Variants in PAM observed in about 807,000 individuals in gnomAD.
PAM encodes the protein peptidyl-glycine alpha-amidating monooxygenase.
A neutral mutation model predicts 122.1 loss-of-function variants in PAM; 72 were observed. The observed-to-expected ratio is 0.59, with a 90% CI of 0.49 to 0.72. PAM has a LOEUF of 0.72. PAM is among the 30% of genes least tolerant of loss of function. The pLI is 0.00. For synonymous variants in PAM, 389 were observed against 404.4 expected (o/e 0.96, Z 0.46); for missense variants, 1,106 against 1,183.7 (o/e 0.93, Z 0.96).
At chr5:102,890,950 G>A (rs182073100) in intron 3 of PAM, among the ~76,000 whole-genome samples, 1 of 151,920 alleles carries the variant, frequency 6.6e-6, no homozygotes, top group East Asian at 1.9e-4. Context: ...GACAACCTTT[G>A]TAGAGTCCTT....
chr5:102,991,495 C>T (rs1774058770), intron 16 of PAM, among the ~76,000 whole-genome samples: 1 of 152,094 alleles, frequency 6.6e-6, no homozygotes. Context: ...CGAGGATCTA[C>T]ATGTATAATT....
At chr5:103,027,799 A>T (rs529046333) in intron 24 of PAM, among the ~76,000 whole-genome samples, 7 of 152,266 alleles carry the variant, frequency 4.6e-5, no homozygotes, top group Non-Finnish European at 8.8e-5. Flanking sequence ...TTTCCTGATT[A>T]AAAAAATAGC....
intron 15 of PAM, among the ~76,000 whole-genome samples, chr5:102,984,107 A>G (rs1315891733): frequency 6.6e-6 from 1 of 152,192 alleles, no homozygotes; most frequent in East Asian, 1.9e-4. Context: ...CAAATGAGAA[A>G]GAGAAAGGAC....
At chr5:102,904,844 A>T (rs7734438) in intron 4 of PAM, among the ~76,000 whole-genome samples, 5,501 of 151,706 alleles carry the variant, frequency 0.036, 118 homozygotes, top group Admixed American at 0.054. Flanking sequence ...TTATGTTTAT[A>T]TGCTAGTTAT....
intron 7 of PAM, among the ~76,000 whole-genome samples, chr5:102,940,808 C>T (rs528459224): frequency 8.6e-5 from 13 of 151,878 alleles, no homozygotes; most frequent in Non-Finnish European, 1.8e-4. Context: ...AGGAAGGGGA[C>T]GTGAGTGGAG....
chr5:102,785,066 T>C (rs943697918), intron 1 of PAM, among the ~76,000 whole-genome samples: 6 of 152,242 alleles, frequency 3.9e-5, no homozygotes, highest in African/African-American at 1.4e-4. Flanking sequence ...TTGTTCTTTG[T>C]TTTTTTATAC....
At chr5:102,868,137 G>A (rs1363139587) in intron 3 of PAM, among the ~76,000 whole-genome samples, 1 of 152,198 alleles carries the variant, frequency 6.6e-6, no homozygotes, top group Non-Finnish European at 1.5e-5. Context: ...GGATTTATGT[G>A]TGTCATTAAA....
intron 1 of PAM, among the ~76,000 whole-genome samples, chr5:102,783,207 T>A (rs1476099238): frequency 6.8e-6 from 1 of 147,130 alleles, no homozygotes; most frequent in Non-Finnish European, 1.5e-5. Context: ...AAAATGAAAA[T>A]GTGGGTGTAT....
intron 3 of PAM, among the ~76,000 whole-genome samples, chr5:102,868,977 G>A (rs1331113178): frequency 6.6e-6 from 1 of 152,134 alleles, no homozygotes; most frequent in Admixed American, 6.5e-5. Context: ...ATAACTCCAT[G>A]GGGAAAGAAC....
intron 1 of PAM, among the ~76,000 whole-genome samples, chr5:102,763,378 C>T (rs1406597137): frequency 6.6e-6 from 1 of 152,074 alleles, no homozygotes; most frequent in Non-Finnish European, 1.5e-5. Context: ...CAGCCATGTA[C>T]CTAGCACTGT....
chr5:103,019,776 T>C lies in PAM; in HGVS notation c.2432-14T>C, dbSNP rs940551851. On this transcript the variant is annotated splice_polypyrimidine_tract_variant and intron_variant, in intron 22 of 25. Transcript: ENST00000438793. ...AGATTCTGACTTTTCTCTCTCCTTGTTGTGTTGTTACAGAATTGGAACATC... is the reference window on the plus strand; with the variant it reads ...AGATTCTGACTTTTCTCTCTCCTTGCTGTGTTGTTACAGAATTGGAACATC... 2.5e-6 allele frequency: 4 copies of C among 1,574,956 alleles called. No individual in the cohort carries two copies. Among genetic ancestry groups the C allele is most frequent in the Non-Finnish European group, 3.5e-6 (4 of 1,144,556 alleles).
Position 102,821,847 on chromosome 5 carries a change from G to A in PAM, c.-373-43976G>A, listed in dbSNP as rs188146246. ...TTAAGTGAAATAATATATAATGAAAGCAATTTTACCATAAGCAAATTTAAG... is the reference window on the plus strand; with the variant it reads ...TTAAGTGAAATAATATATAATGAAAACAATTTTACCATAAGCAAATTTAAG... On this transcript the variant is annotated intron_variant, in intron 1 of 25. Transcript: ENST00000438793. 2.2e-3 allele frequency among the ~76,000 whole-genome samples: 329 copies of A among 152,190 alleles called. 1 individual carries two copies. Among genetic ancestry groups the A allele is most frequent in the African/African-American group, 7.4e-3 (309 of 41,526 alleles).
chr5:102,914,967 G>T (rs1686642269), intron 5 of PAM, among the ~76,000 whole-genome samples: 1 of 152,002 alleles, frequency 6.6e-6, no homozygotes, highest in Non-Finnish European at 1.5e-5. Context: ...TGCTTGGGAG[G>T]TTCTAGGAAA....
intron 14 of PAM, among the ~76,000 whole-genome samples, chr5:102,965,162 GACACACACACAC>G (rs66633444): frequency 3.6e-5 from 5 of 138,814 alleles, no homozygotes; most frequent in East Asian, 2.1e-4. Context: ...TTCCAAAGCA[GACACACACACAC>G]ACACACACAC....
intron 1 of PAM, among the ~76,000 whole-genome samples, chr5:102,813,673 A>T (rs911790292): frequency 2.6e-5 from 4 of 152,208 alleles, no homozygotes; most frequent in Non-Finnish European, 5.9e-5. Context: ...TAATTTGTGG[A>T]ATGCCCCATT....
intron 11 of PAM, among the ~76,000 whole-genome samples, chr5:102,950,333 G>A (rs1258123034): frequency 1.3e-5 from 2 of 151,914 alleles, no homozygotes; most frequent in East Asian, 1.9e-4. Flanking sequence ...TAAAGTAGAA[G>A]TTATTAATTA....
At chr5:102,973,820 C>CAATT (rs74506900) in intron 14 of PAM, among the ~76,000 whole-genome samples, 52,882 of 151,658 alleles carry the variant, frequency 0.35, 9,517 homozygotes, top group African/African-American at 0.43. Context: ...ATTTCCGTAT[C>CAATT]AAACTATACT....
In PAM at chr5:102,828,413, C is replaced by A. The variant is rs190401177; in HGVS notation, c.-373-37410C>A. ...ATATACTATATTGACTATACATTTA[C>A]TTCATCTTGATGGCTTCTGGTCCTA... On this transcript the variant is annotated intron_variant, in intron 1 of 25. Transcript: ENST00000438793. 2.3e-4 allele frequency among the ~76,000 whole-genome samples: 35 copies of A among 152,122 alleles called. 2 individuals carry two copies. The highest frequency in any genetic ancestry group is 8.4e-4 in the African/African-American group (35 of 41,496).
chr5:102,953,629 G>T (rs1759711188), intron 12 of PAM, among the ~76,000 whole-genome samples: 1 of 152,058 alleles, frequency 6.6e-6, no homozygotes, highest in African/African-American at 2.4e-5. Flanking sequence ...TAGATTTTGA[G>T]ATCTATTGCA....
Sources: allele counts gnomAD v4.1 joint callset (sites outside exome capture counted in the v4.1 genomes callset), GRCh38; gene constraint gnomAD v4.1.1; transcripts MANE v1.5; gene names NCBI Gene and HGNC (gene_info 2026-07-23, HGNC 2026-07-21).